OXSR1: variants seen among roughly 807,000 people sequenced by gnomAD.
OXSR1 encodes the protein serine/threonine-protein kinase OSR1.
In OXSR1, 24 loss-of-function variants were observed where a neutral mutation model predicts 79.8. The ratio of observed to expected loss-of-function variants is 0.30; its 90% CI spans 0.22 to 0.42. OXSR1 has a LOEUF of 0.42. Ranked by LOEUF, OXSR1 falls within the 10% of genes least tolerant of loss-of-function variation. OXSR1 has a pLI of 1.00. For missense variants in OXSR1, 430 were observed against 618.4 expected, an observed-to-expected ratio of 0.70 and a Z score of 3.23; for synonymous variants, 226 against 209.2, an observed-to-expected ratio of 1.08 and a Z score of -0.69.
intron 6 of OXSR1, 98 bp from the exon 7 acceptor site, chr3:38,223,714 T>A: frequency 1.4e-6 from 1 of 710,112 alleles, no homozygotes; most frequent in Non-Finnish European, 2.3e-6. Context: ...CCTCCCAAAG[T>A]GCTGGGATTA....
intron 4 of OXSR1, among the ~76,000 whole-genome samples, chr3:38,203,174 G>A (rs1702199238): frequency 6.6e-6 from 1 of 152,216 alleles, no homozygotes. Flanking sequence ...TAAGTGCGTA[G>A]AAGAAAACGC....
chr3:38,175,474 A>AT (rs1452960011), intron 1 of OXSR1, among the ~76,000 whole-genome samples: 4 of 151,808 alleles, frequency 2.6e-5, no homozygotes, highest in Non-Finnish European at 4.4e-5. Flanking sequence ...TAATTTTTGT[A>AT]TTTTTTTGTA....
intron 10 of OXSR1, among the ~76,000 whole-genome samples, chr3:38,232,685 G>T (rs1399071911): frequency 6.6e-6 from 1 of 152,102 alleles, no homozygotes; most frequent in Non-Finnish European, 1.5e-5. Context: ...GTTTGAGCCT[G>T]CAGGGCAGAG....
chr3:38,234,807 G>A (rs1196039685), intron 10 of OXSR1, among the ~76,000 whole-genome samples: 1 of 152,182 alleles, frequency 6.6e-6, no homozygotes. Flanking sequence ...AGCATTATTC[G>A]TAATAACCAA....
chr3:38,168,468 G>A (rs1229524327), intron 1 of OXSR1, among the ~76,000 whole-genome samples: 1 of 151,816 alleles, frequency 6.6e-6, no homozygotes, highest in African/African-American at 2.4e-5. Flanking sequence ...TTCATGTTTG[G>A]TTTCTTCCAC....
intron 1 of OXSR1, among the ~76,000 whole-genome samples, chr3:38,172,435 T>C (rs1391275685): frequency 1.3e-5 from 2 of 152,320 alleles, no homozygotes; most frequent in East Asian, 3.9e-4. Context: ...CAATAAGTAT[T>C]TACTATTTAC....
At chr3:38,178,108 C>A (rs1008905740) in intron 1 of OXSR1, among the ~76,000 whole-genome samples, 8 of 151,702 alleles carry the variant, frequency 5.3e-5, no homozygotes, top group Middle Eastern at 3.5e-3. Context: ...GCGACGACAC[C>A]CAGCTAATTT....
chr3:38,251,789 G>T (rs933843828), intron 16 of OXSR1, among the ~76,000 whole-genome samples: 2 of 152,144 alleles, frequency 1.3e-5, no homozygotes, highest in Non-Finnish European at 2.9e-5. Flanking sequence ...AATTTTTGTG[G>T]CCCAAGTTGA....
Position 38,165,931 on chromosome 3 carries a change from C to T in OXSR1, c.55C>T (p.Leu19=), listed in dbSNP as rs1435726525. ...PWSINRDDYE[L]QEVIGSGATA... Reference sequence around the variant, plus strand: ...GTCCATCAACAGGGACGATTACGAGCTGCAGGAGGTGATCGGTGAGAGCAG... The same window carrying T: ...GTCCATCAACAGGGACGATTACGAGTTGCAGGAGGTGATCGGTGAGAGCAG... Residue 19 remains leucine (L), a synonymous_variant, in exon 1 of 18, where the codon CTG becomes TTG. Transcript: ENST00000311806. 3.7e-6 allele frequency: 6 copies of T among 1,611,374 alleles called. No individual in the cohort carries two copies. Among genetic ancestry groups the T allele is most frequent in the Non-Finnish European group, 5.1e-6 (6 of 1,179,548 alleles).
chr3:38,216,640 G>A (rs547342305), intron 5 of OXSR1, among the ~76,000 whole-genome samples: 5 of 152,094 alleles, frequency 3.3e-5, no homozygotes, highest in Non-Finnish European at 7.3e-5. Context: ...CCTACCAAAA[G>A]TGGCTATCCT....
chr3:38,182,142 T>G (rs1701798080), intron 1 of OXSR1, among the ~76,000 whole-genome samples: 1 of 152,210 alleles, frequency 6.6e-6, no homozygotes, highest in South Asian at 2.1e-4. Context: ...TTTTCAGATC[T>G]CTTGGAATGC....
At chr3:38,199,865 C>T (rs945816406) in intron 4 of OXSR1, among the ~76,000 whole-genome samples, 1 of 152,168 alleles carries the variant, frequency 6.6e-6, no homozygotes, top group South Asian at 2.1e-4. Flanking sequence ...CTCTCCTAGT[C>T]CCATCATGTG....
chr3:38,247,911 G>A (rs1703177059), intron 14 of OXSR1, among the ~76,000 whole-genome samples, 179 bp downstream of exon 14: 1 of 152,104 alleles, frequency 6.6e-6, no homozygotes, highest in Non-Finnish European at 1.5e-5. Context: ...GGACCTGCAT[G>A]TTAGCAGGTG....
At chr3:38,220,245 AT>A (rs1459637729) in intron 5 of OXSR1, among the ~76,000 whole-genome samples, 1 of 152,206 alleles carries the variant, frequency 6.6e-6, no homozygotes, top group East Asian at 1.9e-4. Flanking sequence ...TTGTTTGAAA[AT>A]GGCAGAATTC....
intron 5 of OXSR1, among the ~76,000 whole-genome samples, chr3:38,217,431 A>G (rs1559516760): frequency 6.6e-6 from 1 of 152,230 alleles, no homozygotes; most frequent in African/African-American, 2.4e-5. Flanking sequence ...CACAGTGTTC[A>G]TAGTCATTAC....
At chr3:38,210,283 T>A (rs1173776013) in intron 4 of OXSR1, among the ~76,000 whole-genome samples, 1 of 152,066 alleles carries the variant, frequency 6.6e-6, no homozygotes, top group African/African-American at 2.4e-5. Flanking sequence ...CCCCCCAAGG[T>A]GAGACAGGAA....
At chr3:38,196,790 G>GT (rs566703601) in intron 3 of OXSR1, among the ~76,000 whole-genome samples, 1 of 152,194 alleles carries the variant, frequency 6.6e-6, no homozygotes, top group Non-Finnish European at 1.5e-5. Flanking sequence ...ATCATGTCAT[G>GT]TATATCTTGC....
At chr3:38,213,148 A>G (rs770072992) in intron 4 of OXSR1, among the ~76,000 whole-genome samples, 1 of 152,202 alleles carries the variant, frequency 6.6e-6, no homozygotes, top group East Asian at 1.9e-4. Context: ...AGTGAGTAAT[A>G]TGTATATATG....
chr3:38,242,628 A>T, intron 11 of OXSR1, 115 bp from the exon 12 acceptor site: 1 of 543,180 alleles, frequency 1.8e-6, no homozygotes, highest in East Asian at 3.1e-5. Context: ...GTGAGTTAAT[A>T]TATGGATCAG....
Sources: allele counts gnomAD v4.1 joint callset (sites outside exome capture counted in the v4.1 genomes callset), GRCh38; gene constraint gnomAD v4.1.1; transcripts MANE v1.5; gene names NCBI Gene and HGNC (gene_info 2026-07-23, HGNC 2026-07-21).